Variants in RICTOR observed in about 807,000 individuals in gnomAD.
RICTOR encodes the protein rapamycin-insensitive companion of mTOR.
In RICTOR, 49 loss-of-function variants were observed where a neutral mutation model predicts 214.9. The observed-to-expected ratio is 0.23, with a 90% confidence interval of 0.18 to 0.29. The LOEUF is 0.29. Ranked by LOEUF, RICTOR falls within the 10% of genes least tolerant of loss-of-function variation. RICTOR has a pLI of 1.00. For missense variants in RICTOR, 1,625 were observed against 2,047.0 expected (o/e 0.79, Z 3.98); for synonymous variants, 717 against 711.3 (o/e 1.01, Z -0.13).
rs1747460782 is a variant in RICTOR at position 38,940,638 on chromosome 5, T to C, written c.*1666A>G. 1 of 232,832 alleles carries C rather than the reference T, an allele frequency of 4.3e-6. No individual in the cohort carries two copies. The highest frequency in any genetic ancestry group is 1.8e-4 in the South Asian group (1 of 5,522). The allele number at this position is 232,832 out of a possible 1,614,324, so 14.4% of individuals were successfully genotyped here. On this transcript the variant is annotated 3_prime_UTR_variant, in exon 38 of 38. Coordinates refer to ENST00000357387, the MANE Select transcript of RICTOR (RefSeq NM_152756.5). ...CATAAGCAGCAGCTTACAGCCCTTA[T>C]CTGCTTTGTTATAATGTAAGTTGCT...
chr5:38,947,613 T>C (rs972361946), intron 31 of RICTOR, among the ~76,000 whole-genome samples, 172 bp from the exon 32 acceptor site: 5 of 152,132 alleles, frequency 3.3e-5, no homozygotes, highest in Non-Finnish European at 5.9e-5. Flanking sequence ...TTAGCTGTTA[T>C]AGACCGCTAT....
rs1354554418 is a variant in RICTOR at position 38,938,667 on chromosome 5, AAAG to A, written c.*3634_*3636del. The stretch of plus-strand genomic sequence containing the variant: ...AAAAATACCCTGGAACTTGGAACTA[AAAG>A]AAGAAAAGAATGCTCCTAGAAAGAT... On this transcript the variant is annotated 3_prime_UTR_variant, in exon 38 of 38. Transcript: ENST00000357387. The A allele has an allele frequency of 8.6e-6, 2 of 232,590 alleles. No homozygotes were observed. The highest frequency in any genetic ancestry group is 4.4e-5 in the African/African-American group (2 of 45,332). The allele number at this position is 232,590 out of a possible 1,614,324, so 14.4% of individuals were successfully genotyped here. A position where few individuals can be genotyped will look rare whatever the true frequency, so the allele number is the denominator to read the frequency against.
chr5:38,952,542 T>A (rs573640276), intron 29 of RICTOR, 117 bp from the exon 30 acceptor site: 2 of 541,572 alleles, frequency 3.7e-6, no homozygotes, highest in Non-Finnish European at 2.9e-6. Context: ...ACCAAAATGG[T>A]TGCGTTTGTG....
At chr5:39,032,384 TGTCA>T (rs1379988114) in intron 2 of RICTOR, among the ~76,000 whole-genome samples, 1 of 152,224 alleles carries the variant, frequency 6.6e-6, no homozygotes, top group Non-Finnish European at 1.5e-5. Flanking sequence ...AAGAAAAACC[TGTCA>T]ATCAATTACA....
intron 15 of RICTOR, 63 bp downstream of exon 15, chr5:38,966,578 A>T: frequency 1.2e-6 from 1 of 815,094 alleles, no homozygotes; most frequent in Admixed American, 2.3e-5. Context: ...TATTAAAATA[A>T]CTTGTTTTAT....
chr5:39,032,680 C>T (rs1014916733), intron 2 of RICTOR, among the ~76,000 whole-genome samples: 5 of 152,150 alleles, frequency 3.3e-5, no homozygotes, highest in African/African-American at 9.7e-5. Flanking sequence ...GGTTCATGAG[C>T]AGAAACTGCT....
intron 2 of RICTOR, among the ~76,000 whole-genome samples, chr5:39,038,183 G>A (rs572315165): frequency 3.9e-5 from 6 of 152,188 alleles, no homozygotes; most frequent in African/African-American, 7.2e-5. Flanking sequence ...ATCAATAAAC[G>A]TAATCCAGCA....
rs1434555648 is a variant in RICTOR, at chr5:39,034,211, T to C, written c.98-13075A>G. Among the ~76,000 whole-genome samples the C allele has an allele frequency of 2.0e-5, 3 of 152,258 alleles. No individual in the cohort carries two copies. The East Asian group carries it at 5.8e-4, about 29-fold the overall frequency. On this transcript the variant is annotated intron_variant, in intron 2 of 37. Coordinates refer to ENST00000357387, the MANE Select transcript of RICTOR (RefSeq NM_152756.5). ...GGTTTATTGTCAGCATATTATTATA[T>C]ACTGTAACTGTCAAATATAGATGAG...
Position 38,939,259 on chromosome 5 carries a change from A to C in RICTOR, c.*3045T>G. On this transcript the variant is annotated 3_prime_UTR_variant, in exon 38 of 38. Transcript: ENST00000357387. ...CTTGGCCGTTGTGATATGCCCTGAA[A>C]AACTCAGCTTGAATTATCTCAAGCT... 1 of 232,822 alleles carries C rather than the reference A, an allele frequency of 4.3e-6. No homozygotes were observed. The highest frequency in any genetic ancestry group is 8.5e-6 in the Non-Finnish European group (1 of 117,608). The allele number at this position is 232,822 out of a possible 1,614,324, so 14.4% of individuals were successfully genotyped here. A position where few individuals can be genotyped will look rare whatever the true frequency, so the allele number is the denominator to read the frequency against.
At chr5:39,063,335 G>A (rs1376034348) in intron 2 of RICTOR, among the ~76,000 whole-genome samples, 1 of 152,032 alleles carries the variant, frequency 6.6e-6, no homozygotes, top group Non-Finnish European at 1.5e-5. Context: ...TTCTTCAATA[G>A]TTAAGGGATT....
At chr5:39,024,656 T>C (rs1213101653) in intron 2 of RICTOR, among the ~76,000 whole-genome samples, 1 of 152,226 alleles carries the variant, frequency 6.6e-6, no homozygotes, top group East Asian at 1.9e-4. Flanking sequence ...CTTCAGTTTA[T>C]CATTAGCTTG....
intron 2 of RICTOR, among the ~76,000 whole-genome samples, chr5:39,035,636 T>C (rs573037741): frequency 5.3e-5 from 8 of 152,126 alleles, no homozygotes; most frequent in East Asian, 1.9e-4. Flanking sequence ...AAGGACCCGA[T>C]GGAGCTGAAA....
At chr5:38,980,292 T>C (rs187454608) in intron 8 of RICTOR, among the ~76,000 whole-genome samples, 1 of 152,300 alleles carries the variant, frequency 6.6e-6, no homozygotes, top group East Asian at 1.9e-4. Flanking sequence ...ACGTGACTAA[T>C]TTCCAACTGA....
chr5:38,958,590 TTA>T, intron 23 of RICTOR, 71 bp from the exon 24 acceptor site: 1 of 1,511,774 alleles, frequency 6.6e-7, no homozygotes, highest in Non-Finnish European at 9.1e-7. Flanking sequence ...AAAATGCCTA[TTA>T]TATACTTTTA....
chr5:38,943,208 T>C, intron 36 of RICTOR: 1 of 385,030 alleles, frequency 2.6e-6, no homozygotes, highest in Non-Finnish European at 4.7e-6. Context: ...TCTTGTAAAA[T>C]TGAAGCATTC....
intron 2 of RICTOR, among the ~76,000 whole-genome samples, chr5:39,040,356 T>C (rs62359841): frequency 6.8e-6 from 1 of 147,924 alleles, no homozygotes; most frequent in Non-Finnish European, 1.5e-5. Flanking sequence ...TTAGGAGATA[T>C]ACCTAATGTT....
chr5:39,013,596 G>A (rs971029525), intron 3 of RICTOR, among the ~76,000 whole-genome samples: 2 of 152,006 alleles, frequency 1.3e-5, no homozygotes, highest in African/African-American at 2.4e-5. Flanking sequence ...TTACTCTGAA[G>A]GTTAAATAGT....
intron 2 of RICTOR, among the ~76,000 whole-genome samples, chr5:39,048,955 AG>A (rs1433048821): frequency 6.6e-6 from 1 of 152,244 alleles, no homozygotes; most frequent in Non-Finnish European, 1.5e-5. Flanking sequence ...TAAACAGCAA[AG>A]AAAAGCAGCT....
chr5:38,943,554 CT>C (rs753626694), intron 36 of RICTOR, among the ~76,000 whole-genome samples: 21 of 152,282 alleles, frequency 1.4e-4, no homozygotes, highest in Middle Eastern at 3.4e-3. Context: ...TGGCTCATGC[CT>C]GTAATCCCAG....
Sources: allele counts gnomAD v4.1 joint callset (sites outside exome capture counted in the v4.1 genomes callset), GRCh38; gene constraint gnomAD v4.1.1; transcripts MANE v1.5; gene names NCBI Gene and HGNC (gene_info 2026-07-23, HGNC 2026-07-21).